CYLD: variants seen among roughly 807,000 people sequenced by gnomAD.
CYLD encodes CYLD lysine 63 deubiquitinase.
A neutral mutation model predicts 104.5 loss-of-function variants in CYLD; 26 were observed. That is an observed-to-expected ratio of 0.25 (90% CI 0.18 to 0.35). CYLD has a LOEUF of 0.35. Among genes scored for constraint, CYLD ranks in the 10% least tolerant of loss-of-function variants. The probability of loss-of-function intolerance (pLI) is 1.00; values close to 1 mark genes in which losing one functional copy is unlikely to be tolerated. For synonymous variants in CYLD, 385 were observed against 399.9 expected (o/e 0.96, Z 0.45); for missense variants, 703 against 1,136.1 (o/e 0.62, Z 5.48).
chr16:50,798,759 G>T lies in CYLD; in HGVS notation c.*2251G>T, dbSNP rs758261657. 14 of 233,326 alleles carry T rather than the reference G, an allele frequency of 6.0e-5. No homozygotes were observed. The highest frequency in any genetic ancestry group is 1.2e-4 in the Non-Finnish European group (14 of 118,060). The allele number at this position is 233,326 out of a possible 1,614,324, so 14.5% of individuals were successfully genotyped here. On this transcript the variant is annotated 3_prime_UTR_variant, in exon 19 of 19. Coordinates refer to ENST00000427738, the MANE Select transcript of CYLD (RefSeq NM_001378743.1). ...TTTGGATGGACACCTGGTTTCAAAA[G>T]TCAGGTGTGGAGACTGTTAAATGGG...
Position 50,801,809 on chromosome 16 carries a change from C to T in CYLD, c.*5301C>T, listed in dbSNP as rs1239859545. On this transcript the variant is annotated 3_prime_UTR_variant, in exon 19 of 19. Transcript: ENST00000427738. ...AAGAAGACCACCACATAGAATACCC[C>T]TTCCTATCAGCTCGCTCTGATTTAG... 2 of 233,276 alleles carry T rather than the reference C, an allele frequency of 8.6e-6. No individual in the cohort carries two copies. Among genetic ancestry groups the T allele is most frequent in the Non-Finnish European group, 8.5e-6 (1 of 117,800 alleles). 14.5% of individuals were successfully genotyped at this position (233,276 alleles called of 1,614,324 possible). A position where few individuals can be genotyped will look rare whatever the true frequency, so the allele number is the denominator to read the frequency against.
At chr16:50,782,916 ATTT>A (rs386384680) in intron 11 of CYLD, among the ~76,000 whole-genome samples, 68 of 87,700 alleles carry the variant, frequency 7.8e-4, no homozygotes, top group African/African-American at 1.8e-3. Context: ...ACAACTTAAG[ATTT>A]TTTTTTTTTT....
Position 50,789,373 on chromosome 16 carries a change from C to T in CYLD, c.2108+1521C>T, listed in dbSNP as rs1370957133. Among the ~76,000 whole-genome samples the T allele has an allele frequency of 5.9e-5, 9 of 152,104 alleles. 1 individual carries two copies. Among genetic ancestry groups the T allele is most frequent in the Non-Finnish European group, 8.8e-5 (6 of 68,018 alleles). ...AGATGCTTAAAACAGTTGTTTTCAT[C>T]GTTTTTACCCTTTTTCTAGCCTACA... is the stretch of plus-strand genomic sequence containing the variant. On this transcript the variant is annotated intron_variant, in intron 14 of 18. Coordinates refer to ENST00000427738, the MANE Select transcript of CYLD (RefSeq NM_001378743.1).
chr16:50,786,683 C>A, intron 12 of CYLD, 172 bp from the exon 13 acceptor site: 1 of 558,860 alleles, frequency 1.8e-6, no homozygotes, highest in Non-Finnish European at 3.2e-6. Flanking sequence ...TCTCTTGAGC[C>A]TGGAAGGCGG....
intron 5 of CYLD, among the ~76,000 whole-genome samples, chr16:50,759,330 A>G (rs1172292027): frequency 6.6e-6 from 1 of 152,188 alleles, no homozygotes; most frequent in East Asian, 1.9e-4. Context: ...CATGAAACTG[A>G]CCATCTAGGT....
chr16:50,773,916 A>G (rs975863963), intron 5 of CYLD, among the ~76,000 whole-genome samples: 2 of 152,134 alleles, frequency 1.3e-5, no homozygotes, highest in Non-Finnish European at 2.9e-5. Context: ...CTTTGACAGA[A>G]GGTAGCCACA....
At chr16:50,769,282 G>C (rs1045148580) in intron 5 of CYLD, among the ~76,000 whole-genome samples, 1 of 152,120 alleles carries the variant, frequency 6.6e-6, no homozygotes, top group Non-Finnish European at 1.5e-5. Context: ...TGTTTCCAAA[G>C]TGGTTGCATT....
At chr16:50,755,617 C>G (rs549185261) in intron 5 of CYLD, among the ~76,000 whole-genome samples, 1 of 152,170 alleles carries the variant, frequency 6.6e-6, no homozygotes, top group African/African-American at 2.4e-5. Context: ...TTTGCATTTC[C>G]CTGATAATTG....
At position 50,799,928 on chromosome 16, in the gene CYLD, A is replaced by C. The variant is rs1243169394; in HGVS notation, c.*3420A>C. 1.7e-5 allele frequency: 4 copies of C among 232,968 alleles called. No homozygotes were observed. The highest frequency in any genetic ancestry group is 5.6e-5 in the Admixed American group (1 of 17,770). The allele number at this position is 232,968 out of a possible 1,614,324, so 14.4% of individuals were successfully genotyped here. On this transcript the variant is annotated 3_prime_UTR_variant, in exon 19 of 19. Coordinates refer to ENST00000427738, the MANE Select transcript of CYLD (RefSeq NM_001378743.1). ...AGGTGCCTAGGATTGTATCAGAGGGAATATGAAATGTGTCCCTGCCCTACC... is the reference window on the plus strand; with the variant it reads ...AGGTGCCTAGGATTGTATCAGAGGGCATATGAAATGTGTCCCTGCCCTACC...
At chr16:50,779,043 T>C (rs1161057391) in intron 8 of CYLD, among the ~76,000 whole-genome samples, 1 of 152,216 alleles carries the variant, frequency 6.6e-6, no homozygotes, top group Admixed American at 6.5e-5. Flanking sequence ...ATTCTGGCTT[T>C]GAACTTCTTA....
At chr16:50,752,231 T>C (rs1051004137) in intron 4 of CYLD, among the ~76,000 whole-genome samples, 2 of 150,988 alleles carry the variant, frequency 1.3e-5, no homozygotes, top group African/African-American at 4.9e-5. Flanking sequence ...TTCTCTATCT[T>C]TAAATTTGCC....
intron 8 of CYLD, among the ~76,000 whole-genome samples, chr16:50,779,023 G>A (rs1179991662): frequency 6.6e-6 from 1 of 152,062 alleles, no homozygotes; most frequent in Non-Finnish European, 1.5e-5. Flanking sequence ...TACATTCTGT[G>A]TTTGTGTTTA....
Position 50,799,551 on chromosome 16 carries a change from A to G in CYLD, c.*3043A>G, listed in dbSNP as rs953228116. 2 of 233,590 alleles carry G rather than the reference A, an allele frequency of 8.6e-6. No individual in the cohort carries two copies. The highest frequency in any genetic ancestry group is 2.2e-5 in the African/African-American group (1 of 45,336). 14.5% of individuals were successfully genotyped at this position (233,590 alleles called of 1,614,324 possible). ...TCCTTAGAATAATTTAGGATTTTTA[A>G]AAATTTCTGTTTGCCAAATGCTGTA... On this transcript the variant is annotated 3_prime_UTR_variant, in exon 19 of 19. Transcript: ENST00000427738.
At chr16:50,789,594 C>G (rs886299630) in intron 14 of CYLD, among the ~76,000 whole-genome samples, 2 of 152,116 alleles carry the variant, frequency 1.3e-5, no homozygotes, top group African/African-American at 4.8e-5. Context: ...CAAACAACCT[C>G]TTCATATTGA....
At chr16:50,758,374 C>T (rs975727484) in intron 5 of CYLD, among the ~76,000 whole-genome samples, 2 of 152,114 alleles carry the variant, frequency 1.3e-5, no homozygotes, top group African/African-American at 4.8e-5. Flanking sequence ...GGAGCTGGAA[C>T]AGGTAGTGCT....
intron 2 of CYLD, among the ~76,000 whole-genome samples, chr16:50,743,728 C>G (rs761396227): frequency 5.9e-5 from 9 of 152,092 alleles, no homozygotes; most frequent in Non-Finnish European, 1.3e-4. Flanking sequence ...TTATAAGCAT[C>G]ATACATGCTA....
At chr16:50,756,603 C>T (rs780061002) in intron 5 of CYLD, among the ~76,000 whole-genome samples, 1 of 152,154 alleles carries the variant, frequency 6.6e-6, no homozygotes, top group African/African-American at 2.4e-5. Context: ...TAGTGGAACT[C>T]TCTGTGATAC....
At chr16:50,773,434 G>C (rs1448259272) in intron 5 of CYLD, among the ~76,000 whole-genome samples, 1 of 152,114 alleles carries the variant, frequency 6.6e-6, no homozygotes, top group South Asian at 2.1e-4. Flanking sequence ...TCAGTAGTTT[G>C]TTCCTTTTTT....
At chr16:50,758,489 G>T (rs915475360) in intron 5 of CYLD, among the ~76,000 whole-genome samples, 16 of 152,182 alleles carry the variant, frequency 1.1e-4, no homozygotes, top group African/African-American at 3.4e-4. Flanking sequence ...ATTTTTAAAT[G>T]ATCTCTCTGG....
Sources: gnomAD v4.1 joint callset for allele counts (sites outside exome capture counted in the v4.1 genomes callset) on GRCh38, gnomAD v4.1.1 for gene constraint, MANE v1.5 for transcripts, NCBI Gene and HGNC (gene_info 2026-07-23, HGNC 2026-07-21) for gene names.